PRUNE2: variants seen among roughly 807,000 people sequenced by gnomAD.
PRUNE2 encodes protein prune homolog 2.
A neutral mutation model predicts 252.0 loss-of-function variants in PRUNE2; 164 were observed. The observed-to-expected ratio is 0.65, with a 90% CI of 0.57 to 0.74. The LOEUF is 0.74. Ranked by LOEUF, PRUNE2 falls within the 30% of genes least tolerant of loss-of-function variation. The pLI, the probability that PRUNE2 is intolerant of heterozygous loss-of-function variation, is 0.00. For missense variants in PRUNE2, 3,495 were observed against 3,711.0 expected (o/e 0.94, Z 1.51); for synonymous variants, 1,292 against 1,350.2 (o/e 0.96, Z 0.94).
chr9:76,876,160 C>G (rs377033686), intron 1 of PRUNE2, among the ~76,000 whole-genome samples: 1 of 152,068 alleles, frequency 6.6e-6, no homozygotes, highest in African/African-American at 2.4e-5. Flanking sequence ...ACAGAGGAAC[C>G]GTCTTGGATT....
At chr9:76,827,048 A>G (rs1167213090) in intron 4 of PRUNE2, among the ~76,000 whole-genome samples, 5 of 152,212 alleles carry the variant, frequency 3.3e-5, no homozygotes, top group Non-Finnish European at 7.3e-5. Flanking sequence ...AAAGATATGC[A>G]TTGGTCTTAA....
chr9:76,711,410 G>T (rs2046722643), intron 7 of PRUNE2, 52 bp from the exon 8 acceptor site: 1 of 1,187,092 alleles, frequency 8.4e-7, no homozygotes, highest in Non-Finnish European at 1.2e-6. Context: ...GTTGCACTTT[G>T]CAATTGCACT....
At chr9:76,641,193 T>C (rs1842431474) in intron 12 of PRUNE2, among the ~76,000 whole-genome samples, 1 of 152,128 alleles carries the variant, frequency 6.6e-6, no homozygotes, top group South Asian at 2.1e-4. Context: ...ATAAAAAGTA[T>C]GGAAATTTAT....
chr9:76,770,384 T>G (rs926089935), intron 6 of PRUNE2, among the ~76,000 whole-genome samples: 1 of 152,200 alleles, frequency 6.6e-6, no homozygotes, highest in African/African-American at 2.4e-5. Flanking sequence ...TGATAAAGTT[T>G]CTTTTTGAAA....
intron 6 of PRUNE2, among the ~76,000 whole-genome samples, chr9:76,743,391 T>C (rs2049821760): frequency 6.6e-6 from 1 of 152,198 alleles, no homozygotes; most frequent in Non-Finnish European, 1.5e-5. Context: ...GAATACTATG[T>C]AGAGATATAC....
intron 6 of PRUNE2, among the ~76,000 whole-genome samples, chr9:76,793,769 G>T (rs1233105625): frequency 6.6e-6 from 1 of 151,566 alleles, no homozygotes; most frequent in Non-Finnish European, 1.5e-5. Context: ...AAAAAAAAAA[G>T]GCTCAGAGAG....
intron 1 of PRUNE2, among the ~76,000 whole-genome samples, chr9:76,855,082 A>AAAAAAATATATATATAT (rs1490285240): frequency 9.1e-6 from 1 of 109,440 alleles, no homozygotes; most frequent in African/African-American, 3.9e-5. Context: ...AAAAAAAAAA[A>AAAAAAATATATATATAT]ATATATATAT....
At position 76,741,955 on chromosome 9, in the gene PRUNE2, CT is replaced by C. The variant is rs371308042; in HGVS notation, c.757-28235del. 4.0e-4 allele frequency among the ~76,000 whole-genome samples: 61 copies of C among 152,310 alleles called. 1 individual carries two copies. The East Asian group carries it at 9.6e-3, about 24-fold the overall frequency. On this transcript the variant is annotated intron_variant, in intron 6 of 18. Coordinates refer to ENST00000376718, the MANE Select transcript of PRUNE2 (RefSeq NM_015225.3). Reference sequence around the variant, plus strand: ...AGGTTGGTGTTTCAAATTCACCAATCTGGCTGTTTTGACTAATAAAATGTTA... The same window carrying C: ...AGGTTGGTGTTTCAAATTCACCAATCGGCTGTTTTGACTAATAAAATGTTA...
At chr9:76,839,292 G>C (rs904224162) in intron 4 of PRUNE2, among the ~76,000 whole-genome samples, 5 of 152,154 alleles carry the variant, frequency 3.3e-5, no homozygotes, top group Non-Finnish European at 7.3e-5. Context: ...AGACACAACA[G>C]TGAAGCAGTG....
At chr9:76,800,376 G>A (rs2056466729) in intron 6 of PRUNE2, among the ~76,000 whole-genome samples, 2 of 152,152 alleles carry the variant, frequency 1.3e-5, no homozygotes, top group South Asian at 4.1e-4. Context: ...CAAAGGACAT[G>A]AATTCATCCT....
chr9:76,619,972 C>T (rs576153898), intron 17 of PRUNE2, among the ~76,000 whole-genome samples: 106 of 152,210 alleles, frequency 7.0e-4, no homozygotes, highest in Admixed American at 5.7e-3. Flanking sequence ...ACAAATGTAA[C>T]CTTATAAAAT....
chr9:76,857,047 C>T (rs760139215), intron 1 of PRUNE2: 57 of 455,842 alleles, frequency 1.3e-4, no homozygotes, highest in South Asian at 8.4e-4. Context: ...AGCCACCGCG[C>T]CTGGCCAACA....
Position 76,703,861 on chromosome 9 carries a change from T to A in PRUNE2, c.7752A>T (p.Thr2584=), listed in dbSNP as rs1169605802. 7 of 1,613,982 alleles carry A rather than the reference T, an allele frequency of 4.3e-6. No homozygotes were observed. Among genetic ancestry groups the A allele is most frequent in the Non-Finnish European group, 5.9e-6 (7 of 1,179,878 alleles). ...TTGCTAACTGAGTTCCCTGCAGCCC[T>A]GTTTCTTTGGAACCTACATACAATT... ...ELELYVGSKE[T]GLQGTQLASF... The change falls in exon 9 of 19, where the codon ACA becomes ACT. Residue 2584 remains threonine (T), a synonymous_variant. Coordinates refer to ENST00000376718, the MANE Select transcript of PRUNE2 (RefSeq NM_015225.3).
intron 1 of PRUNE2, among the ~76,000 whole-genome samples, chr9:76,878,309 C>CT (rs1232106497): frequency 9.8e-5 from 15 of 152,288 alleles, no homozygotes; most frequent in Admixed American, 9.8e-4. Flanking sequence ...GGTGGGAATT[C>CT]TTTGTAGGCA....
chr9:76,733,223 T>A (rs749266138), intron 6 of PRUNE2, among the ~76,000 whole-genome samples: 14 of 152,146 alleles, frequency 9.2e-5, no homozygotes, highest in Non-Finnish European at 1.9e-4. Context: ...AGAAAACAGA[T>A]GGCAACATCT....
intron 6 of PRUNE2, among the ~76,000 whole-genome samples, chr9:76,721,086 A>T (rs1419839304): frequency 6.6e-6 from 1 of 152,210 alleles, no homozygotes. Context: ...TGGGCAACAG[A>T]GCGAGACTCC....
intron 6 of PRUNE2, among the ~76,000 whole-genome samples, chr9:76,781,439 C>T (rs757727963): frequency 2.6e-5 from 4 of 152,194 alleles, no homozygotes; most frequent in Non-Finnish European, 5.9e-5. Context: ...ACTTCAGAGC[C>T]TTTGCACTGC....
At chr9:76,679,176 G>T (rs1053883473) in intron 9 of PRUNE2, among the ~76,000 whole-genome samples, 1 of 152,202 alleles carries the variant, frequency 6.6e-6, no homozygotes, top group Admixed American at 6.5e-5. Context: ...GATTAAATGC[G>T]TTGATTTAGG....
intron 6 of PRUNE2, among the ~76,000 whole-genome samples, chr9:76,793,204 G>A (rs746283155): frequency 2.0e-5 from 3 of 152,170 alleles, no homozygotes; most frequent in Non-Finnish European, 4.4e-5. Context: ...AAGGGACACC[G>A]TTTCAAACAC....
Sources: gnomAD v4.1 joint callset for allele counts (sites outside exome capture counted in the v4.1 genomes callset) on GRCh38, gnomAD v4.1.1 for gene constraint, MANE v1.5 for transcripts, NCBI Gene and HGNC (gene_info 2026-07-23, HGNC 2026-07-21) for gene names.